Variants in RNF38 observed in about 807,000 individuals in gnomAD.
RNF38 encodes ring finger protein 38.
A neutral mutation model predicts 67.2 loss-of-function variants in RNF38; 15 were observed. That is an observed-to-expected ratio of 0.22 (90% CI 0.15 to 0.34). RNF38 has a LOEUF of 0.34. Among genes scored for constraint, RNF38 ranks in the 10% least tolerant of loss-of-function variants. The pLI, the probability that RNF38 is intolerant of heterozygous loss-of-function variation, is 1.00. For missense variants in RNF38, 524 were observed against 639.9 expected (o/e 0.82, Z 1.95); for synonymous variants, 220 against 218.8 (o/e 1.01, Z -0.05).
chr9:36,411,701 A>G (rs1056424889), intron 2 of RNF38, among the ~76,000 whole-genome samples: 10 of 150,998 alleles, frequency 6.6e-5, no homozygotes, highest in African/African-American at 2.4e-4. Flanking sequence ...AGCTGGGACT[A>G]CAGGTACCTG....
chr9:36,356,399 T>C lies in RNF38; in HGVS notation c.813A>G (p.Pro271=). 1 of 1,613,762 alleles carries C rather than the reference T, an allele frequency of 6.2e-7. No individual in the cohort carries two copies. Among genetic ancestry groups the C allele is most frequent in the African/African-American group, 1.3e-5 (1 of 74,932 alleles). ...AAAGGTGAGGAGGATGTATAAGAAA[T>C]GGATCACTAGAAATAAGGGGTGGGA... The part of the protein sequence containing the change: ...AAFPPLISSD[P]FLIHPPHLSP... The change falls in exon 6 of 12, where the codon CCA becomes CCG. Residue 271 remains proline (P), a synonymous_variant. Transcript: ENST00000259605.
intron 1 of RNF38, among the ~76,000 whole-genome samples, chr9:36,486,560 G>A (rs1324717017): frequency 1.3e-5 from 2 of 152,144 alleles, no homozygotes; most frequent in Non-Finnish European, 2.9e-5. Context: ...CTCCACAAAA[G>A]CGGGCAGGCC....
At chr9:36,375,867 G>T in intron 3 of RNF38, 67 bp downstream of exon 3, 1 of 1,420,086 alleles carries the variant, frequency 7.0e-7, no homozygotes, top group Non-Finnish European at 9.6e-7. Context: ...AATGTTTTCT[G>T]ATGTTAAATA....
intron 5 of RNF38, among the ~76,000 whole-genome samples, chr9:36,357,307 T>C (rs1834204372): frequency 1.3e-5 from 2 of 152,170 alleles, no homozygotes; most frequent in African/African-American, 4.8e-5. Flanking sequence ...TGGGGGATGA[T>C]GCTACTTTCA....
chr9:36,425,787 C>T (rs1477486027), intron 1 of RNF38, among the ~76,000 whole-genome samples: 1 of 152,224 alleles, frequency 6.6e-6, no homozygotes, highest in Non-Finnish European at 1.5e-5. Flanking sequence ...ATAAAAAGCA[C>T]ACGACTGTGG....
At chr9:36,445,467 T>C (rs1263392409) in intron 1 of RNF38, among the ~76,000 whole-genome samples, 2 of 152,246 alleles carry the variant, frequency 1.3e-5, no homozygotes, top group Non-Finnish European at 2.9e-5. Context: ...CTAAATTCCT[T>C]CATCAGACCT....
intron 1 of RNF38, among the ~76,000 whole-genome samples, chr9:36,424,930 T>C (rs1012097830): frequency 7.9e-5 from 12 of 152,152 alleles, no homozygotes; most frequent in African/African-American, 2.9e-4. Context: ...AACTGCTAAT[T>C]CCCCCTCTTT....
intron 10 of RNF38, 128 bp downstream of exon 10, chr9:36,344,704 C>CT: frequency 1.2e-6 from 1 of 821,658 alleles, no homozygotes; most frequent in Non-Finnish European, 1.9e-6. Flanking sequence ...AAAGTTATCT[C>CT]TGACTCCTAA....
intron 1 of RNF38, among the ~76,000 whole-genome samples, chr9:36,468,300 G>A (rs896980111): frequency 6.6e-6 from 1 of 151,172 alleles, no homozygotes; most frequent in Non-Finnish European, 1.5e-5. Flanking sequence ...AAGAAGATAG[G>A]AGACAGAGAT....
rs1832610468 is a variant in RNF38, at chr9:36,338,564, CAGAAAT to C, written c.*1182_*1187del. 1 of 152,048 alleles carries C rather than the reference CAGAAAT, an allele frequency of 6.6e-6. No individual in the cohort carries two copies. Among genetic ancestry groups the C allele is most frequent in the African/African-American group, 2.4e-5 (1 of 41,352 alleles). 9.4% of individuals were successfully genotyped at this position (152,048 alleles called of 1,614,324 possible). On this transcript the variant is annotated 3_prime_UTR_variant, in exon 12 of 12. Transcript: ENST00000259605. ...AGTCTGGCAAGTGAATTAATATGAACAGAAATAGAGTTTTCTTAAAACAATTGAGTT... is the reference window on the plus strand; with the variant it reads ...AGTCTGGCAAGTGAATTAATATGAACAGAGTTTTCTTAAAACAATTGAGTT...
chr9:36,434,894 G>A (rs539165758), intron 1 of RNF38, among the ~76,000 whole-genome samples: 51 of 152,204 alleles, frequency 3.4e-4, no homozygotes, highest in African/African-American at 1.2e-3. Flanking sequence ...CACATAGCAG[G>A]TGATCAATAT....
chr9:36,471,291 T>G (rs1839992681), intron 1 of RNF38, among the ~76,000 whole-genome samples: 1 of 152,220 alleles, frequency 6.6e-6, no homozygotes, highest in African/African-American at 2.4e-5. Flanking sequence ...ATTTAATAAC[T>G]TTTCTTCCAT....
At chr9:36,441,127 C>T (rs1385848282) in intron 1 of RNF38, among the ~76,000 whole-genome samples, 1 of 152,044 alleles carries the variant, frequency 6.6e-6, no homozygotes, top group Non-Finnish European at 1.5e-5. Flanking sequence ...AGAAAAAGCT[C>T]AATGGAAAAG....
At chr9:36,436,802 A>G (rs2134282499) in intron 1 of RNF38, among the ~76,000 whole-genome samples, 1 of 139,228 alleles carries the variant, frequency 7.2e-6, no homozygotes, top group South Asian at 2.4e-4. Flanking sequence ...AGCACGGGCG[A>G]CAGAGCGAGA....
At chr9:36,468,207 A>C (rs1839910326) in intron 1 of RNF38, among the ~76,000 whole-genome samples, 1 of 149,452 alleles carries the variant, frequency 6.7e-6, no homozygotes, top group Admixed American at 6.8e-5. Context: ...GCACCACTGT[A>C]CTCCAGCCTG....
At chr9:36,453,108 T>C (rs1038877824) in intron 1 of RNF38, among the ~76,000 whole-genome samples, 21 of 152,300 alleles carry the variant, frequency 1.4e-4, no homozygotes, top group African/African-American at 4.6e-4. Flanking sequence ...CCATTTTACA[T>C]TCCCACCACC....
intron 1 of RNF38, among the ~76,000 whole-genome samples, chr9:36,427,191 CAA>C (rs1377824190): frequency 1.3e-5 from 2 of 151,854 alleles, no homozygotes; most frequent in East Asian, 3.9e-4. Flanking sequence ...TGACTCATGG[CAA>C]GTACTAAGTA....
chr9:36,440,944 A>G (rs892062017), intron 1 of RNF38, among the ~76,000 whole-genome samples: 1 of 152,192 alleles, frequency 6.6e-6, no homozygotes, highest in Non-Finnish European at 1.5e-5. Flanking sequence ...CAAATGCCTC[A>G]TGGTCTGACA....
chr9:36,464,699 C>T (rs1051674014), intron 1 of RNF38, among the ~76,000 whole-genome samples: 1 of 151,988 alleles, frequency 6.6e-6, no homozygotes, highest in Non-Finnish European at 1.5e-5. Flanking sequence ...AATATACATA[C>T]ACTGTATAGC....
Sources: allele counts gnomAD v4.1 joint callset (sites outside exome capture counted in the v4.1 genomes callset), GRCh38; gene constraint gnomAD v4.1.1; transcripts MANE v1.5; gene names NCBI Gene and HGNC (gene_info 2026-07-23, HGNC 2026-07-21).